The following TMEM131 variants were observed in gnomAD, a reference collection of about 807,000 sequenced individuals.
TMEM131 encodes transmembrane protein 131.
A neutral mutation model predicts 211.6 loss-of-function variants in TMEM131; 66 were observed. That is an observed-to-expected ratio of 0.31 (90% CI 0.26 to 0.38). The LOEUF is 0.38. TMEM131 is among the 10% of genes least tolerant of loss of function. The pLI, the probability that TMEM131 is intolerant of heterozygous loss-of-function variation, is 1.00. For missense variants in TMEM131, 2,036 were observed against 2,299.3 expected (o/e 0.89, Z 2.34); for synonymous variants, 844 against 841.3 (o/e 1.00, Z -0.06).
At chr2:97,908,573 G>A in intron 3 of TMEM131, 85 bp downstream of exon 3, 2 of 977,644 alleles carry the variant, frequency 2.0e-6, no homozygotes, top group South Asian at 1.5e-5. Flanking sequence ...TCACCAAAAT[G>A]AGCAAGGGGA....
At position 97,990,427 on chromosome 2, in the gene TMEM131, G is replaced by A. The variant is rs898496548; in HGVS notation, c.187+5049C>T. Among the ~76,000 whole-genome samples the A allele has an allele frequency of 6.6e-5, 10 of 152,058 alleles. 1 individual carries two copies. Among genetic ancestry groups the A allele is most frequent in the Non-Finnish European group, 1.3e-4 (9 of 68,012 alleles). On this transcript the variant is annotated intron_variant, in intron 1 of 40. Transcript: ENST00000186436. The stretch of plus-strand genomic sequence containing the variant: ...AATATAACAAAATCTAATTCCTGAA[G>A]TGCTCATTTGGGGTTACATAGTTTG...
chr2:97,917,843 A>G (rs1221597064), intron 2 of TMEM131, among the ~76,000 whole-genome samples: 1 of 152,152 alleles, frequency 6.6e-6, no homozygotes, highest in Non-Finnish European at 1.5e-5. Flanking sequence ...TGGCTGATTC[A>G]ATCACTGACC....
intron 2 of TMEM131, chr2:97,911,661 A>G (rs938530970): frequency 1.0e-6 from 1 of 985,162 alleles, no homozygotes; most frequent in African/African-American, 1.7e-5. Context: ...CAGATACTCA[A>G]TGCAAAGGAT....
intron 33 of TMEM131, among the ~76,000 whole-genome samples, chr2:97,771,673 T>C (rs1679472115): frequency 6.6e-6 from 1 of 152,160 alleles, no homozygotes. Context: ...CAAGGTTTAA[T>C]GAAAATGTGA....
At position 97,759,609 on chromosome 2, in the gene TMEM131, G is replaced by A; in HGVS notation, c.5206+43C>T. On this transcript the variant is annotated intron_variant, in intron 39 of 40. Transcript: ENST00000186436. ...AACCACACCTCCTCTCCCTTCCTCT[G>A]TCCACAGGCTTATTAGTTACACATC... The A allele has an allele frequency of 2.7e-6, 4 of 1,499,900 alleles. No homozygotes were observed. In the Admixed American group the frequency reaches 7.2e-5, roughly 27 times the overall value. 92.9% of individuals were successfully genotyped at this position (1,499,900 alleles called of 1,614,324 possible).
intron 1 of TMEM131, among the ~76,000 whole-genome samples, chr2:97,990,915 C>A (rs1447218594): frequency 2.0e-5 from 3 of 152,096 alleles, no homozygotes; most frequent in East Asian, 3.9e-4. Flanking sequence ...TTTAAAAGTC[C>A]TAATAAAGGC....
At chr2:97,837,003 G>T in intron 8 of TMEM131, 74 bp downstream of exon 8, 1 of 1,200,916 alleles carries the variant, frequency 8.3e-7, no homozygotes, top group Non-Finnish European at 1.2e-6. Context: ...CTATTAAGGA[G>T]TTAAATATTT....
At chr2:97,835,255 G>C (rs1273396360) in intron 8 of TMEM131, among the ~76,000 whole-genome samples, 2 of 152,148 alleles carry the variant, frequency 1.3e-5, no homozygotes, top group Non-Finnish European at 2.9e-5. Context: ...TTTTTAATAT[G>C]CTAGTTAGTG....
chr2:97,960,137 T>G (rs1459016860), intron 1 of TMEM131, among the ~76,000 whole-genome samples: 3 of 121,596 alleles, frequency 2.5e-5, no homozygotes, highest in African/African-American at 1.0e-4. Flanking sequence ...AAAGATGTAT[T>G]TTTCCCTTTG....
At chr2:97,806,664 T>G (rs1209107707) in intron 19 of TMEM131, among the ~76,000 whole-genome samples, 24 of 152,228 alleles carry the variant, frequency 1.6e-4, no homozygotes, top group Non-Finnish European at 4.4e-5. Context: ...AAAAATTAAA[T>G]AATTTACGTA....
At chr2:97,944,316 C>A (rs1316049719) in intron 1 of TMEM131, among the ~76,000 whole-genome samples, 1 of 151,960 alleles carries the variant, frequency 6.6e-6, no homozygotes, top group Non-Finnish European at 1.5e-5. Flanking sequence ...ACAACATATG[C>A]AAAAATTAAA....
intron 5 of TMEM131, among the ~76,000 whole-genome samples, chr2:97,844,907 A>G (rs1367106250): frequency 6.6e-6 from 1 of 152,120 alleles, no homozygotes; most frequent in Non-Finnish European, 1.5e-5. Context: ...TTTAATATGT[A>G]AAGCCATCAA....
intron 30 of TMEM131, 64 bp from the exon 31 acceptor site, chr2:97,793,048 A>C (rs1022030863): frequency 3.1e-5 from 37 of 1,207,500 alleles, no homozygotes; most frequent in Admixed American, 2.0e-4. Flanking sequence ...TTAAAAAAAA[A>C]CTTCAACTTC....
At position 97,795,060 on chromosome 2, in the gene TMEM131, T is replaced by C. The variant is rs1680692691; in HGVS notation, c.3256A>G (p.Thr1086Ala). ...RVIRELKFIT[T>A]SGSEFVFILN... is the part of the protein sequence containing the mutation. ...ATAAATACAAACTCAGAGCCACTGGTTGTTATAAACTTCAGTTCCCGAATA... is the reference window on the plus strand; with the variant it reads ...ATAAATACAAACTCAGAGCCACTGGCTGTTATAAACTTCAGTTCCCGAATA... Residue 1086 changes from threonine to alanine, a missense_variant, in exon 29 of 41, where the codon ACC becomes GCC. Around this residue, in one of 3 missense-constraint regions of TMEM131, gnomAD observed 1,623 missense variants for 1,805.9 expected, o/e 0.90. Coordinates refer to ENST00000186436, the MANE Select transcript of TMEM131 (RefSeq NM_015348.2). 8 of 1,613,950 alleles carry C rather than the reference T, an allele frequency of 5.0e-6. No individual in the cohort carries two copies. The highest frequency in any genetic ancestry group is 6.8e-6 in the Non-Finnish European group (8 of 1,179,832).
chr2:97,926,527 T>A (rs1047995148), intron 2 of TMEM131, among the ~76,000 whole-genome samples: 1 of 152,224 alleles, frequency 6.6e-6, no homozygotes, highest in Non-Finnish European at 1.5e-5. Flanking sequence ...AGCATCTCAA[T>A]ATTAGACATT....
chr2:97,923,266 G>A (rs1015980999), intron 2 of TMEM131, among the ~76,000 whole-genome samples: 3 of 152,014 alleles, frequency 2.0e-5, no homozygotes, highest in African/African-American at 4.8e-5. Flanking sequence ...GTGACAGAGC[G>A]AGACTCCATC....
At chr2:97,878,633 T>C (rs949943812) in intron 4 of TMEM131, among the ~76,000 whole-genome samples, 3 of 151,998 alleles carry the variant, frequency 2.0e-5, no homozygotes, top group Admixed American at 6.6e-5. Context: ...TACTCGTAAG[T>C]GGGAGTTGAA....
At chr2:97,788,894 T>TA (rs1350382961) in intron 31 of TMEM131, among the ~76,000 whole-genome samples, 1 of 152,226 alleles carries the variant, frequency 6.6e-6, no homozygotes, top group African/African-American at 2.4e-5. Flanking sequence ...TCATTTTTCA[T>TA]AAAAAATATT....
rs1035698600 is a variant in TMEM131 at position 97,850,709 on chromosome 2, T to TA, written c.484-6449dup. 1.1e-4 allele frequency among the ~76,000 whole-genome samples: 17 copies of TA among 152,026 alleles called. No homozygotes were observed. In the South Asian group the frequency reaches 1.5e-3, roughly 13 times the overall value. ...GTACAATAAATGCTGTGTATCCACCTAAAAAAAATCTAAAATGTTCTCTAA... is the reference window on the plus strand; with the variant it reads ...GTACAATAAATGCTGTGTATCCACCTAAAAAAAAATCTAAAATGTTCTCTAA... On this transcript the variant is annotated intron_variant, in intron 5 of 40. Coordinates refer to ENST00000186436, the MANE Select transcript of TMEM131 (RefSeq NM_015348.2).
Sources: gnomAD v4.1 joint callset for allele counts (sites outside exome capture counted in the v4.1 genomes callset) on GRCh38, gnomAD v4.1.1 for gene constraint, gnomAD v4.1.1 regional missense constraint, MANE v1.5 for transcripts, NCBI Gene and HGNC (gene_info 2026-07-23, HGNC 2026-07-21) for gene names.